MAD1L1: variants seen among roughly 807,000 people sequenced by gnomAD.
The protein encoded by MAD1L1 is mitotic spindle assembly checkpoint protein MAD1.
MAD1L1 carries 95 observed loss-of-function variants against 96.9 expected under a neutral mutation model. That is an observed-to-expected ratio of 0.98 (90% CI 0.83 to 1.16). MAD1L1 has a LOEUF of 1.16. Among genes scored for constraint, MAD1L1 ranks in the 50% most tolerant of loss-of-function variants. MAD1L1 has a pLI of 0.00. For missense variants in MAD1L1, 1,007 were observed against 954.4 expected (o/e 1.06, Z -0.73); for synonymous variants, 473 against 396.6 (o/e 1.19, Z -2.29).
At chr7:2,037,729 C>G (rs1364659073) in intron 12 of MAD1L1, among the ~76,000 whole-genome samples, 1 of 152,124 alleles carries the variant, frequency 6.6e-6, no homozygotes, top group Non-Finnish European at 1.5e-5. Context: ...CTTCACCGAC[C>G]AACGCTGCTT....
intron 11 of MAD1L1, among the ~76,000 whole-genome samples, chr7:2,070,012 AC>A (rs142449055): frequency 0.16 from 24,526 of 152,034 alleles, 2,525 homozygotes; most frequent in Middle Eastern, 0.3. Context: ...CTCTCACTAG[AC>A]CCCTCTGCCA....
At chr7:2,065,666 G>A (rs1346281253) in intron 12 of MAD1L1, among the ~76,000 whole-genome samples, 2 of 152,138 alleles carry the variant, frequency 1.3e-5, no homozygotes, top group African/African-American at 4.8e-5. Context: ...CCAGTGTGCG[G>A]GTTCCCAGGG....
At chr7:2,165,734 CCCAAGAGG>C (rs1790396506) in intron 10 of MAD1L1, among the ~76,000 whole-genome samples, 1 of 150,582 alleles carries the variant, frequency 6.6e-6, no homozygotes, top group Non-Finnish European at 1.5e-5. Flanking sequence ...ACTCCCCATC[CCCAAGAGG>C]TACAGGGAAA....
At chr7:2,191,449 A>T (rs1791712142) in intron 10 of MAD1L1, among the ~76,000 whole-genome samples, 4 of 152,324 alleles carry the variant, frequency 2.6e-5, no homozygotes, top group Non-Finnish European at 4.4e-5. Flanking sequence ...AATGTATCTA[A>T]AACTAGGGTG....
chr7:2,013,486 T>A (rs1782392582), intron 13 of MAD1L1, among the ~76,000 whole-genome samples: 1 of 152,194 alleles, frequency 6.6e-6, no homozygotes, highest in Admixed American at 6.5e-5. Context: ...CCTGGGCATG[T>A]CCCTTGACGC....
chr7:2,196,787 G>C (rs923169690), intron 10 of MAD1L1, among the ~76,000 whole-genome samples: 4 of 152,210 alleles, frequency 2.6e-5, no homozygotes, highest in Non-Finnish European at 5.9e-5. Context: ...CCTGCTCACA[G>C]GAACAGTGCG....
intron 14 of MAD1L1, among the ~76,000 whole-genome samples, chr7:1,992,861 T>C (rs760013305): frequency 5.3e-5 from 8 of 151,982 alleles, no homozygotes; most frequent in Non-Finnish European, 1.0e-4. Flanking sequence ...GGTGACACCA[T>C]TGTGGGCCTG....
intron 15 of MAD1L1, among the ~76,000 whole-genome samples, chr7:1,964,078 T>A (rs996986654): frequency 6.6e-6 from 1 of 152,124 alleles, no homozygotes; most frequent in African/African-American, 2.4e-5. Flanking sequence ...GAGAGGCCCC[T>A]GATCACAGAG....
intron 17 of MAD1L1, among the ~76,000 whole-genome samples, chr7:1,926,613 C>T (rs12667513): frequency 0.016 from 2,403 of 152,136 alleles, 39 homozygotes; most frequent in East Asian, 0.084. Context: ...ATCACACTAA[C>T]GGTGTAAGGG....
intron 16 of MAD1L1, among the ~76,000 whole-genome samples, chr7:1,954,806 G>T (rs1233607694): frequency 6.6e-6 from 1 of 152,190 alleles, no homozygotes; most frequent in Middle Eastern, 3.2e-3. Flanking sequence ...GCCACCGTCC[G>T]TGGGTGCCCC....
chr7:1,822,695 A>G (rs1296567010), intron 18 of MAD1L1, among the ~76,000 whole-genome samples: 2 of 149,042 alleles, frequency 1.3e-5, no homozygotes, highest in East Asian at 3.9e-4. Context: ...AAGTGTTGGG[A>G]TTACAGGCGT....
Position 1,835,869 on chromosome 7 carries a change from C to T in MAD1L1, c.1999-19641G>A, listed in dbSNP as rs1782914633. ...GGAAAGGGGTAGGCAATTCCCAGAACTGAGGGTTCTTCCCCCTTTTAGACC... is the reference window on the plus strand; with the variant it reads ...GGAAAGGGGTAGGCAATTCCCAGAATTGAGGGTTCTTCCCCCTTTTAGACC... On this transcript the variant is annotated intron_variant, in intron 18 of 18. Coordinates refer to ENST00000265854, the MANE Select transcript of MAD1L1 (RefSeq NM_001013836.2). Among the ~76,000 whole-genome samples, 3 of 152,210 alleles carry T rather than the reference C, an allele frequency of 2.0e-5. No individual in the cohort carries two copies. In the South Asian group the frequency reaches 6.2e-4, roughly 31 times the overall value.
At chr7:2,000,669 C>T (rs1254197360) in intron 14 of MAD1L1, among the ~76,000 whole-genome samples, 1 of 152,256 alleles carries the variant, frequency 6.6e-6, no homozygotes, top group East Asian at 1.9e-4. Flanking sequence ...CCACTGACTA[C>T]TCACTTGGCA....
At chr7:2,186,621 C>G (rs953149533) in intron 10 of MAD1L1, among the ~76,000 whole-genome samples, 2 of 152,142 alleles carry the variant, frequency 1.3e-5, no homozygotes, top group Non-Finnish European at 2.9e-5. Flanking sequence ...TTTACATTAT[C>G]CTGTACAATA....
intron 18 of MAD1L1, among the ~76,000 whole-genome samples, chr7:1,858,093 T>C (rs765982909): frequency 2.0e-5 from 3 of 152,242 alleles, no homozygotes; most frequent in Non-Finnish European, 2.9e-5. Context: ...TTTTTTTTAA[T>C]TGGTAGGTCT....
At chr7:1,825,236 C>A (rs540928240) in intron 18 of MAD1L1, among the ~76,000 whole-genome samples, 2 of 152,364 alleles carry the variant, frequency 1.3e-5, no homozygotes, top group South Asian at 4.1e-4. Context: ...CTGCAACCCT[C>A]GGGCGTCTTG....
intron 14 of MAD1L1, chr7:1,980,772 A>G: frequency 1.6e-6 from 1 of 640,664 alleles, no homozygotes; most frequent in Non-Finnish European, 3.0e-6. Context: ...GAATAGCAAC[A>G]GATGCACAGG....
At chr7:1,858,386 C>T (rs1009501412) in intron 18 of MAD1L1, among the ~76,000 whole-genome samples, 1 of 152,262 alleles carries the variant, frequency 6.6e-6, no homozygotes, top group African/African-American at 2.4e-5. Context: ...CTTGGCTCAG[C>T]CTCCACCTGG....
chr7:2,027,511 G>A (rs1421817900), intron 12 of MAD1L1, among the ~76,000 whole-genome samples: 1 of 152,170 alleles, frequency 6.6e-6, no homozygotes, highest in Non-Finnish European at 1.5e-5. Context: ...CATAGGCCAT[G>A]CTCATTTATT....
Sources: gnomAD v4.1 joint callset for allele counts (sites outside exome capture counted in the v4.1 genomes callset) on GRCh38, gnomAD v4.1.1 for gene constraint, MANE v1.5 for transcripts, NCBI Gene and HGNC (gene_info 2026-07-23, HGNC 2026-07-21) for gene names.